The following DAB1 variants were observed in gnomAD, a reference collection of about 807,000 sequenced individuals.
DAB1 encodes the protein disabled homolog 1.
A neutral mutation model predicts 64.6 loss-of-function variants in DAB1; 15 were observed. The observed-to-expected ratio is 0.23, with a 90% confidence interval of 0.16 to 0.36. The LOEUF is 0.36. Among genes scored for constraint, DAB1 ranks in the 10% least tolerant of loss-of-function variants. The pLI is 1.00. For missense variants in DAB1, 596 were observed against 706.7 expected, an observed-to-expected ratio of 0.84 and a Z score of 1.78; for synonymous variants, 235 against 251.9, an observed-to-expected ratio of 0.93 and a Z score of 0.64.
chr1:58,488,247 T>A (rs1016319344), intron 3 of DAB1, among the ~76,000 whole-genome samples: 12 of 152,208 alleles, frequency 7.9e-5, no homozygotes, highest in Non-Finnish European at 1.6e-4. Context: ...TTTCATGTGG[T>A]TATCCATCTT....
At chr1:57,069,256 C>A in intron 8 of DAB1, 104 bp downstream of exon 8, 3 of 931,038 alleles carry the variant, frequency 3.2e-6, no homozygotes, top group Non-Finnish European at 3.4e-6. Flanking sequence ...GGTATTTTAA[C>A]AAGCCAGGAA....
intron 4 of DAB1, among the ~76,000 whole-genome samples, chr1:58,234,767 T>A (rs892627487): frequency 2.6e-5 from 4 of 152,192 alleles, no homozygotes; most frequent in African/African-American, 4.8e-5. Context: ...CATGAAGGGA[T>A]AATGCTTCAT....
chr1:57,807,695 A>T (rs1315008103), intron 6 of DAB1, among the ~76,000 whole-genome samples: 1 of 152,044 alleles, frequency 6.6e-6, no homozygotes, highest in African/African-American at 2.4e-5. Flanking sequence ...ATTTTTTTTC[A>T]ATAAAAGTTA....
intron 2 of DAB1, among the ~76,000 whole-genome samples, chr1:57,172,829 G>A (rs1315255311): frequency 6.6e-6 from 1 of 152,082 alleles, no homozygotes; most frequent in Non-Finnish European, 1.5e-5. Flanking sequence ...CAACACTGGG[G>A]ATCAACTTTC....
intron 2 of DAB1, among the ~76,000 whole-genome samples, chr1:58,510,284 G>A (rs1646053505): frequency 6.6e-6 from 1 of 152,062 alleles, no homozygotes; most frequent in Non-Finnish European, 1.5e-5. Flanking sequence ...CACACCTCAT[G>A]ACCAAGGAGG....
chr1:58,014,602 C>A (rs1646713214), intron 5 of DAB1, among the ~76,000 whole-genome samples: 1 of 152,178 alleles, frequency 6.6e-6, no homozygotes, highest in Non-Finnish European at 1.5e-5. Context: ...ATATCTTGCC[C>A]CCATAAATTA....
At chr1:58,392,226 C>A (rs1328613697) in intron 3 of DAB1, among the ~76,000 whole-genome samples, 3 of 152,168 alleles carry the variant, frequency 2.0e-5, no homozygotes, top group Non-Finnish European at 4.4e-5. Context: ...ACTACAAAAA[C>A]CAAAACAAGC....
intron 5 of DAB1, chr1:58,056,033 T>C (rs1300174744): frequency 7.2e-6 from 6 of 834,760 alleles, no homozygotes; most frequent in Non-Finnish European, 1.2e-5. Context: ...CCACCGTGCC[T>C]GGCCTCATGT....
At chr1:57,264,460 C>CA (rs1670430078) in intron 2 of DAB1, among the ~76,000 whole-genome samples, 1 of 152,140 alleles carries the variant, frequency 6.6e-6, no homozygotes, top group African/African-American at 2.4e-5. Flanking sequence ...CTAATCTGAT[C>CA]ATGGTCATAT....
chr1:57,565,127 T>C (rs2101517567), intron 7 of DAB1, among the ~76,000 whole-genome samples: 1 of 152,278 alleles, frequency 6.6e-6, no homozygotes, highest in South Asian at 2.1e-4. Context: ...TTCAACATTC[T>C]TAAAGAAAAT....
intron 5 of DAB1, among the ~76,000 whole-genome samples, chr1:57,934,249 G>T (rs927024979): frequency 6.6e-6 from 1 of 152,064 alleles, no homozygotes; most frequent in Non-Finnish European, 1.5e-5. Context: ...TTAGCCATTT[G>T]GTGGGGAGAG....
chr1:57,010,596 G>C, intron 14 of DAB1, 84 bp downstream of exon 14: 2 of 650,838 alleles, frequency 3.1e-6, no homozygotes, highest in Admixed American at 2.8e-5. Context: ...CAAACATTGA[G>C]GATGTGGCTT....
chr1:58,287,584 A>T (rs750546811), intron 4 of DAB1, among the ~76,000 whole-genome samples: 4 of 152,136 alleles, frequency 2.6e-5, no homozygotes, highest in Non-Finnish European at 5.9e-5. Context: ...GGCTTTGCTC[A>T]GCAACTGGGT....
At chr1:57,413,769 T>C (rs1178481016) in intron 1 of DAB1, among the ~76,000 whole-genome samples, 1 of 134,404 alleles carries the variant, frequency 7.4e-6, no homozygotes, top group African/African-American at 3.0e-5. Context: ...AAAAAAAAAA[T>C]TCATCATTCT....
chr1:57,700,264 CT>C (rs563897182), intron 6 of DAB1, among the ~76,000 whole-genome samples: 2,251 of 152,258 alleles, frequency 0.015, 24 homozygotes, highest in Non-Finnish European at 0.025. Flanking sequence ...CATTATCATA[CT>C]TTTTTTAAGT....
chr1:57,126,218 T>C (rs979122594), intron 4 of DAB1, among the ~76,000 whole-genome samples: 3 of 152,190 alleles, frequency 2.0e-5, no homozygotes, highest in Non-Finnish European at 4.4e-5. Flanking sequence ...TGTGAAGGTG[T>C]TAAATTCATC....
intron 7 of DAB1, among the ~76,000 whole-genome samples, chr1:57,503,762 T>A (rs1644315541): frequency 6.6e-6 from 1 of 152,238 alleles, no homozygotes; most frequent in Non-Finnish European, 1.5e-5. Context: ...TAATTCCTTT[T>A]CATCCACTGG....
intron 6 of DAB1, among the ~76,000 whole-genome samples, chr1:57,651,343 A>G (rs1306746395): frequency 6.6e-6 from 1 of 152,206 alleles, no homozygotes; most frequent in Admixed American, 6.5e-5. Flanking sequence ...TTACATATAT[A>G]TAAACTAAGT....
intron 7 of DAB1, among the ~76,000 whole-genome samples, chr1:57,461,458 C>G (rs977716068): frequency 2.0e-5 from 3 of 152,126 alleles, no homozygotes; most frequent in African/African-American, 7.2e-5. Flanking sequence ...GCATTACACC[C>G]CTCCTCCCTC....
Sources: allele counts gnomAD v4.1 joint callset (sites outside exome capture counted in the v4.1 genomes callset), GRCh38; gene constraint gnomAD v4.1.1; transcripts MANE v1.5; gene names NCBI Gene and HGNC (gene_info 2026-07-23, HGNC 2026-07-21).